KCNIP1: variants seen among roughly 807,000 people sequenced by gnomAD.
KCNIP1 encodes potassium voltage-gated channel interacting protein 1, also known as A-type potassium channel modulatory protein KCNIP1.
A neutral mutation model predicts 33.0 loss-of-function variants in KCNIP1; 18 were observed. The observed-to-expected ratio is 0.55, with a 90% CI of 0.38 to 0.81. KCNIP1 has a LOEUF of 0.81. Among genes scored for constraint, KCNIP1 ranks in the 30% least tolerant of loss-of-function variants. The pLI, the probability that KCNIP1 is intolerant of heterozygous loss-of-function variation, is 0.00. For missense variants in KCNIP1, 238 were observed against 271.6 expected, an observed-to-expected ratio of 0.88 and a Z score of 0.87; for synonymous variants, 93 against 98.3, an observed-to-expected ratio of 0.95 and a Z score of 0.32.
intron 1 of KCNIP1, among the ~76,000 whole-genome samples, chr5:170,436,946 T>G (rs947382858): frequency 1.1e-4 from 16 of 152,108 alleles, no homozygotes; most frequent in African/African-American, 3.9e-4. Flanking sequence ...AAAGACAGAC[T>G]CACAAGAGAA....
At chr5:170,376,086 C>A (rs1763989310) in intron 1 of KCNIP1, 1 of 151,866 alleles carries the variant, frequency 6.6e-6, no homozygotes, top group Admixed American at 6.6e-5. Context: ...AAATAAGCAC[C>A]CATACATGCC....
chr5:170,725,030 T>C (rs1231888326), intron 5 of KCNIP1, among the ~76,000 whole-genome samples: 1 of 152,156 alleles, frequency 6.6e-6, no homozygotes, highest in East Asian at 1.9e-4. Flanking sequence ...AAACCTACCT[T>C]ACTTCAAGAC....
intron 1 of KCNIP1, among the ~76,000 whole-genome samples, chr5:170,563,152 C>A (rs762312429): frequency 2.0e-5 from 3 of 152,212 alleles, no homozygotes; most frequent in Non-Finnish European, 2.9e-5. Flanking sequence ...CATTTACTCA[C>A]CCCCACTCCT....
intron 1 of KCNIP1, among the ~76,000 whole-genome samples, chr5:170,580,262 A>T (rs1221410532): frequency 6.6e-6 from 1 of 152,208 alleles, no homozygotes; most frequent in Non-Finnish European, 1.5e-5. Flanking sequence ...ACACTGCTGG[A>T]AAGTTGTTTC....
intron 1 of KCNIP1, among the ~76,000 whole-genome samples, chr5:170,654,297 A>G (rs1290797173): frequency 6.6e-6 from 1 of 152,206 alleles, no homozygotes; most frequent in Non-Finnish European, 1.5e-5. Flanking sequence ...TGTGCCAGGC[A>G]CTGTGCTTCA....
chr5:170,670,041 T>C (rs1228448539), intron 1 of KCNIP1, among the ~76,000 whole-genome samples: 1 of 152,134 alleles, frequency 6.6e-6, no homozygotes. Flanking sequence ...ACCAGAGAAC[T>C]GAAAGAACAA....
At chr5:170,410,192 G>C (rs138155504) in intron 1 of KCNIP1, among the ~76,000 whole-genome samples, 303 of 152,368 alleles carry the variant, frequency 2.0e-3, no homozygotes, top group African/African-American at 7.0e-3. Context: ...ACACAGTGCA[G>C]GGCCTCCTGG....
At chr5:170,587,421 CAAAAAAAAAAAAA>C in intron 1 of KCNIP1, among the ~76,000 whole-genome samples, 2 of 70,336 alleles carry the variant, frequency 2.8e-5, no homozygotes, top group South Asian at 5.9e-4. Flanking sequence ...GACTCTGTCT[CAAAAAAAAAAAAA>C]AAAAAAAAAA....
At chr5:170,676,996 A>G (rs147561025) in intron 1 of KCNIP1, among the ~76,000 whole-genome samples, 161 of 152,288 alleles carry the variant, frequency 1.1e-3, no homozygotes, top group African/African-American at 3.7e-3. Context: ...TGATTCCCCT[A>G]CCTGAAGTAA....
intron 1 of KCNIP1, among the ~76,000 whole-genome samples, chr5:170,365,900 A>G (rs1763647418): frequency 6.6e-6 from 1 of 152,190 alleles, no homozygotes; most frequent in African/African-American, 2.4e-5. Context: ...AGGATTCAAC[A>G]AATGATGGGT....
intron 1 of KCNIP1, among the ~76,000 whole-genome samples, chr5:170,441,313 CTTTG>C (rs992274052): frequency 5.9e-5 from 9 of 152,176 alleles, no homozygotes; most frequent in African/African-American, 2.2e-4. Flanking sequence ...TGTAGAGAGG[CTTTG>C]TGATTCAGAT....
chr5:170,683,479 T>C (rs1762429657), intron 1 of KCNIP1, among the ~76,000 whole-genome samples: 1 of 152,174 alleles, frequency 6.6e-6, no homozygotes, highest in Admixed American at 6.5e-5. Flanking sequence ...TGCCATTAAG[T>C]CTTTACCACA....
intron 1 of KCNIP1, among the ~76,000 whole-genome samples, chr5:170,714,500 AAGT>A (rs1763575452): frequency 6.6e-6 from 1 of 152,200 alleles, no homozygotes. Context: ...AACCCACTGA[AAGT>A]ACAGTCATGC....
intron 1 of KCNIP1, among the ~76,000 whole-genome samples, chr5:170,680,321 C>T (rs139117551): frequency 2.3e-4 from 35 of 152,262 alleles, no homozygotes; most frequent in African/African-American, 7.5e-4. Flanking sequence ...CCCCACAGAG[C>T]CCAAAAGTTT....
At chr5:170,430,920 C>T (rs189626969) in intron 1 of KCNIP1, among the ~76,000 whole-genome samples, 2 of 152,222 alleles carry the variant, frequency 1.3e-5, no homozygotes, top group African/African-American at 4.8e-5. Flanking sequence ...AGAATTTGCT[C>T]ACTGTCCACG....
chr5:170,554,206 AG>A (rs1425070561), intron 1 of KCNIP1, among the ~76,000 whole-genome samples: 1 of 152,084 alleles, frequency 6.6e-6, no homozygotes, highest in African/African-American at 2.4e-5. Context: ...AATCCAGCCC[AG>A]GGGGCACTAG....
intron 1 of KCNIP1, among the ~76,000 whole-genome samples, chr5:170,712,552 T>C (rs944293087): frequency 2.6e-5 from 4 of 152,230 alleles, no homozygotes; most frequent in Non-Finnish European, 5.9e-5. Flanking sequence ...CCATCCAACA[T>C]TGCACATCTC....
chr5:170,725,380 G>A (rs1344489747), intron 5 of KCNIP1, among the ~76,000 whole-genome samples: 1 of 152,160 alleles, frequency 6.6e-6, no homozygotes, highest in East Asian at 1.9e-4. Flanking sequence ...CAACGTGGAT[G>A]GAATTGGAGG....
chr5:170,656,029 G>A (rs139571640), intron 1 of KCNIP1, among the ~76,000 whole-genome samples: 12 of 152,322 alleles, frequency 7.9e-5, no homozygotes, highest in Non-Finnish European at 1.5e-4. Flanking sequence ...GACCTTCCTC[G>A]TACTCCATGG....
Sources: gnomAD v4.1 joint callset for allele counts (sites outside exome capture counted in the v4.1 genomes callset) on GRCh38, gnomAD v4.1.1 for gene constraint, MANE v1.5 for transcripts, NCBI Gene and HGNC (gene_info 2026-07-23, HGNC 2026-07-21) for gene names.